LPIN1: variants seen among roughly 807,000 people sequenced by gnomAD.
The protein encoded by LPIN1 is lipin 1, also known as phosphatidate phosphatase LPIN1.
Under a neutral mutation model 107.5 loss-of-function variants are expected in LPIN1, and 71 were observed. The observed-to-expected ratio is 0.66, with a 90% CI of 0.55 to 0.80. The LOEUF is 0.80. Ranked by LOEUF, LPIN1 falls within the 30% of genes least tolerant of loss-of-function variation. The probability of loss-of-function intolerance (pLI) is 0.00; values close to 1 mark genes in which losing one functional copy is unlikely to be tolerated. For synonymous variants in LPIN1, 445 were observed against 452.6 expected (o/e 0.98, Z 0.21); for missense variants, 1,043 against 1,160.6 (o/e 0.90, Z 1.47).
chr2:11,721,645 G>A (rs1275097104), upstream of LPIN1: 1 of 152,186 alleles, frequency 6.6e-6, no homozygotes, highest in Non-Finnish European at 1.5e-5. Context: ...ATTTAATGTG[G>A]AGATTGGGGA....
chr2:11,757,623 T>A (rs76168509), intron 1 of LPIN1, among the ~76,000 whole-genome samples: 64 of 152,206 alleles, frequency 4.2e-4, no homozygotes, highest in African/African-American at 1.4e-3. Flanking sequence ...AGGCAACAGG[T>A]GCCTGGGGTG....
upstream of LPIN1, among the ~76,000 whole-genome samples, chr2:11,722,687 C>T (rs1312101920): frequency 6.6e-6 from 1 of 152,220 alleles, no homozygotes; most frequent in Non-Finnish European, 1.5e-5. Context: ...ATGCAGGCTT[C>T]AGTAACACCC....
At chr2:11,804,197 A>G (rs917638682) in intron 15 of LPIN1, among the ~76,000 whole-genome samples, 102 of 152,276 alleles carry the variant, frequency 6.7e-4, no homozygotes, top group African/African-American at 2.2e-3. Flanking sequence ...CAAGTAGGCA[A>G]GTTGCATTAC....
intron 18 of LPIN1, chr2:11,819,179 T>G (rs1433680640): frequency 5.7e-6 from 2 of 352,982 alleles, no homozygotes; most frequent in Non-Finnish European, 1.1e-5. Context: ...TATGCTAGCC[T>G]CATCGAATTA....
At chr2:11,814,348 G>C (rs532993549) in intron 17 of LPIN1, among the ~76,000 whole-genome samples, 3 of 152,158 alleles carry the variant, frequency 2.0e-5, no homozygotes, top group Non-Finnish European at 2.9e-5. Flanking sequence ...AGCAAGGAAG[G>C]GAACAAGAGA....
intron 13 of LPIN1, among the ~76,000 whole-genome samples, chr2:11,793,817 C>T (rs1676203268): frequency 6.6e-6 from 1 of 152,282 alleles, no homozygotes; most frequent in African/African-American, 2.4e-5. Context: ...ATGAACCTCT[C>T]CTTTCTGTCT....
rs773903557 is a variant in LPIN1 at position 11,803,046 on chromosome 2, T to A, written c.2013+13T>A. 9.3e-6 allele frequency: 15 copies of A among 1,612,084 alleles called. No homozygotes were observed. The highest frequency in any genetic ancestry group is 1.2e-5 in the Non-Finnish European group (14 of 1,180,018). On this transcript the variant is annotated intron_variant, in intron 15 of 20. Transcript: ENST00000674199. This position sits in a 1 kb window ranked among gnomAD's most constrained non-coding sequence, Gnocchi z 4.2. ...TTCCGAGCAGCTTGTGAGTCTCCCA[T>A]GCTTGGCGCGGCTGTGTTGTGAGCA...
chr2:11,718,601 G>A (rs931718647), intron 2 of LPIN1, among the ~76,000 whole-genome samples: 1 of 152,212 alleles, frequency 6.6e-6, no homozygotes, highest in South Asian at 2.1e-4. Context: ...TGAGGTTGAT[G>A]TTCAGTTCTC....
At chr2:11,747,607 G>A (rs190419395) in intron 1 of LPIN1, among the ~76,000 whole-genome samples, 1 of 152,264 alleles carries the variant, frequency 6.6e-6, no homozygotes, top group Admixed American at 6.5e-5. Flanking sequence ...GTTGTGGTAT[G>A]GTGGTCTAGG....
chr2:11,784,128 A>C lies in LPIN1; in HGVS notation c.1358+206A>C, dbSNP rs1674048103. ...AAGACCACCCTGGCCAACATGGTGA[A>C]TCCTCGTTCTACTGAAAATACCAAA... On this transcript the variant is annotated intron_variant, in intron 9 of 20. Coordinates refer to ENST00000674199, the MANE Select transcript of LPIN1 (RefSeq NM_001349206.2). The C allele has an allele frequency of 2.1e-5, 18 of 858,528 alleles. No individual in the cohort carries two copies. In the South Asian group the frequency reaches 3.1e-4, roughly 15 times the overall value. The allele number at this position is 858,528 out of a possible 1,614,324, so 53.2% of individuals were successfully genotyped here.
intron 1 of LPIN1, among the ~76,000 whole-genome samples, chr2:11,711,260 G>A: frequency 6.6e-6 from 1 of 152,176 alleles, no homozygotes; most frequent in Non-Finnish European, 1.5e-5. Flanking sequence ...GCAGCATGCT[G>A]AAATATTCCA....
chr2:11,724,983 C>T (rs1664456390), intron 1 of LPIN1, among the ~76,000 whole-genome samples: 1 of 152,178 alleles, frequency 6.6e-6, no homozygotes, highest in African/African-American at 2.4e-5. Context: ...GAATGCGTGG[C>T]CGGGCGCGGT....
intron 17 of LPIN1, among the ~76,000 whole-genome samples, chr2:11,807,663 G>C (rs1457936547): frequency 1.3e-5 from 2 of 152,104 alleles, no homozygotes; most frequent in African/African-American, 4.8e-5. Context: ...TGTTTGTCTG[G>C]ACCCGCAGAT....
At chr2:11,686,325 C>T (rs184100240) in intron 1 of LPIN1, among the ~76,000 whole-genome samples, 19 of 152,224 alleles carry the variant, frequency 1.2e-4, no homozygotes, top group South Asian at 4.2e-4. Context: ...CCCTGCCCAG[C>T]GTGGGTGGGA....
In LPIN1 at chr2:11,740,280, A is replaced by G. The variant is rs570921504; in HGVS notation, c.-71-1069A>G. Reference sequence around the variant, plus strand: ...AGGTGAGGATGAATCTTCCTTCCTCACTCAGTTCACTGATCCAAATGCCAA... The same window carrying G: ...AGGTGAGGATGAATCTTCCTTCCTCGCTCAGTTCACTGATCCAAATGCCAA... On this transcript the variant is annotated intron_variant, in intron 1 of 21. Coordinates refer to the LPIN1 transcript ENST00000396097. 2.4e-4 allele frequency among the ~76,000 whole-genome samples: 37 copies of G among 152,246 alleles called. 1 individual carries two copies. Among genetic ancestry groups the G allele is most frequent in the African/African-American group, 7.5e-4 (31 of 41,536 alleles).
chr2:11,797,032 G>C (rs6708316), intron 14 of LPIN1, among the ~76,000 whole-genome samples: 57,240 of 152,058 alleles, frequency 0.38, 12,219 homozygotes, highest in African/African-American at 0.58. Context: ...TGGGAGGCAT[G>C]CTACCCCAAA....
intron 1 of LPIN1, among the ~76,000 whole-genome samples, chr2:11,704,085 A>G (rs1663014351): frequency 6.6e-6 from 1 of 152,198 alleles, no homozygotes; most frequent in African/African-American, 2.4e-5. Flanking sequence ...CAGACCTCTT[A>G]CCTGGTAGCT....
At chr2:11,695,891 T>C (rs147821879) in intron 1 of LPIN1, among the ~76,000 whole-genome samples, 94 of 152,100 alleles carry the variant, frequency 6.2e-4, no homozygotes, top group African/African-American at 2.2e-3. Context: ...TATCCTCCCA[T>C]AGATTTTTTT....
chr2:11,724,389 G>A (rs1348747546), exon 1 of LPIN1: 17 of 986,242 alleles, frequency 1.7e-5, no homozygotes, highest in Non-Finnish European at 2.0e-5. Context: ...GAGGCGAGGA[G>A]GCAGCCTGAG....
Sources: gnomAD v4.1 joint callset for allele counts (sites outside exome capture counted in the v4.1 genomes callset) on GRCh38, gnomAD v4.1.1 for gene constraint, Gnocchi (gnomAD v3.1) non-coding constraint, MANE v1.5 for transcripts, NCBI Gene and HGNC (gene_info 2026-07-23, HGNC 2026-07-21) for gene names.